FGF14: variants seen among roughly 807,000 people sequenced by gnomAD.
The protein encoded by FGF14 is fibroblast growth factor homologous factor 4.
A neutral mutation model predicts 25.5 loss-of-function variants in FGF14; 5 were observed. The ratio of observed to expected loss-of-function variants is 0.20; its 90% CI spans 0.10 to 0.41. The LOEUF (loss-of-function observed/expected upper bound fraction) is 0.41, where lower values mean the gene tolerates loss of function less well. FGF14 is among the 10% of genes least tolerant of loss of function. The pLI is 1.00. For missense variants in FGF14, 222 were observed against 320.1 expected (o/e 0.69, Z 2.34); for synonymous variants, 138 against 118.3 (o/e 1.17, Z -1.08).
chr13:102,191,098 C>A (rs1389681428), intron 1 of FGF14, among the ~76,000 whole-genome samples: 1 of 152,202 alleles, frequency 6.6e-6, no homozygotes, highest in Admixed American at 6.5e-5. Flanking sequence ...GAAACCTCTA[C>A]TAGTAGGGCT....
Position 102,138,596 on chromosome 13 carries a change from C to T in FGF14, c.208+262875G>A, listed in dbSNP as rs534556680. 3.5e-5 allele frequency among the ~76,000 whole-genome samples: 5 copies of T among 144,376 alleles called. No individual in the cohort carries two copies. The South Asian group carries it at 1.2e-3, about 35-fold the overall frequency. 94.7% of individuals were successfully genotyped at this position (144,376 alleles called of 152,430 possible). ...GCCATCCAAGGCCAGAGTGGCAACA[C>T]AGGAGTGGCCCACAGGGAGAGGCAG... On this transcript the variant is annotated intron_variant, in intron 1 of 4. Transcript: ENST00000376131.
intron 1 of FGF14, among the ~76,000 whole-genome samples, chr13:101,956,974 A>T (rs1163531768): frequency 6.8e-6 from 1 of 147,758 alleles, no homozygotes; most frequent in African/African-American, 2.7e-5. Context: ...GACACATTTA[A>T]TTGAGAGAAT....
intron 1 of FGF14, chr13:102,292,323 T>C (rs1273412151): frequency 6.9e-6 from 1 of 144,852 alleles, no homozygotes; most frequent in African/African-American, 2.5e-5. Context: ...TTTCAAAGCA[T>C]TTTCAAAGCA....
intron 3 of FGF14, among the ~76,000 whole-genome samples, chr13:101,767,788 C>A (rs1043234281): frequency 6.6e-6 from 1 of 152,050 alleles, no homozygotes; most frequent in African/African-American, 2.4e-5. Context: ...ACAAAGCTCT[C>A]TAAAATAAGC....
At chr13:102,356,506 C>T (rs2057421290) in intron 1 of FGF14, among the ~76,000 whole-genome samples, 1 of 152,162 alleles carries the variant, frequency 6.6e-6, no homozygotes, top group Non-Finnish European at 1.5e-5. Flanking sequence ...CATTAAGCTT[C>T]CCCACCAAAA....
chr13:102,089,715 G>A (rs1566671473), intron 1 of FGF14, among the ~76,000 whole-genome samples: 1 of 152,110 alleles, frequency 6.6e-6, no homozygotes, highest in African/African-American at 2.4e-5. Flanking sequence ...GCACAATTCT[G>A]TTTCATCAAA....
intron 3 of FGF14, among the ~76,000 whole-genome samples, chr13:101,766,353 G>A (rs1243345197): frequency 6.6e-6 from 1 of 152,046 alleles, no homozygotes; most frequent in Non-Finnish European, 1.5e-5. Flanking sequence ...GCTTCCATGA[G>A]CTAAAAATTG....
At chr13:102,313,066 C>A (rs1488180873) in intron 1 of FGF14, among the ~76,000 whole-genome samples, 1 of 152,198 alleles carries the variant, frequency 6.6e-6, no homozygotes, top group African/African-American at 2.4e-5. Flanking sequence ...AGTTCAAGGA[C>A]AACAGAGCAC....
chr13:102,174,820 A>C (rs1024030709), intron 1 of FGF14, among the ~76,000 whole-genome samples: 4 of 152,076 alleles, frequency 2.6e-5, no homozygotes, highest in African/African-American at 7.2e-5. Context: ...ATCAAGTATT[A>C]TGCTCACTAC....
At chr13:102,129,438 A>G (rs904169176) in intron 1 of FGF14, among the ~76,000 whole-genome samples, 1 of 152,298 alleles carries the variant, frequency 6.6e-6, no homozygotes, top group South Asian at 2.1e-4. Context: ...TGAACCTGGC[A>G]TCAATTCTCT....
chr13:101,976,748 A>G (rs2037951881), intron 1 of FGF14, among the ~76,000 whole-genome samples: 1 of 152,246 alleles, frequency 6.6e-6, no homozygotes, highest in African/African-American at 2.4e-5. Context: ...CAATGGCAAC[A>G]ACAAAAATAT....
intron 1 of FGF14, among the ~76,000 whole-genome samples, chr13:102,069,409 C>T (rs372522309): frequency 6.6e-6 from 1 of 152,268 alleles, no homozygotes; most frequent in South Asian, 2.1e-4. Flanking sequence ...GGAGGCTGCC[C>T]GAGCCAGCAT....
intron 1 of FGF14, among the ~76,000 whole-genome samples, chr13:102,069,410 G>A (rs945358801): frequency 3.3e-5 from 5 of 152,154 alleles, no homozygotes; most frequent in African/African-American, 4.8e-5. Context: ...GAGGCTGCCC[G>A]AGCCAGCATT....
intron 1 of FGF14, among the ~76,000 whole-genome samples, chr13:102,032,158 C>A (rs2041244279): frequency 6.6e-6 from 1 of 152,132 alleles, no homozygotes; most frequent in African/African-American, 2.4e-5. Context: ...CAGCACAGGA[C>A]CTTACCCACT....
At chr13:102,266,007 G>C (rs2052972853) in intron 1 of FGF14, among the ~76,000 whole-genome samples, 1 of 151,964 alleles carries the variant, frequency 6.6e-6, no homozygotes, top group East Asian at 1.9e-4. Flanking sequence ...GGGAAGCTAT[G>C]ACAGCCCCAC....
At chr13:102,061,127 T>A (rs770591334) in intron 1 of FGF14, among the ~76,000 whole-genome samples, 3 of 152,156 alleles carry the variant, frequency 2.0e-5, no homozygotes, top group Non-Finnish European at 4.4e-5. Context: ...CACCACTCAA[T>A]AAAACCTTGC....
At chr13:102,276,327 A>G (rs1461423030) in intron 1 of FGF14, among the ~76,000 whole-genome samples, 3 of 82,520 alleles carry the variant, frequency 3.6e-5, no homozygotes, top group African/African-American at 5.2e-5. Flanking sequence ...ACACACACAC[A>G]CGTACGTGTG....
At chr13:101,846,620 T>C (rs1594460806) in intron 3 of FGF14, among the ~76,000 whole-genome samples, 1 of 152,046 alleles carries the variant, frequency 6.6e-6, no homozygotes, top group Non-Finnish European at 1.5e-5. Flanking sequence ...ACAGCCAACG[T>C]TGATCTTAAA....
At chr13:102,220,617 C>T (rs932886542) in intron 1 of FGF14, among the ~76,000 whole-genome samples, 7 of 152,196 alleles carry the variant, frequency 4.6e-5, no homozygotes, top group Non-Finnish European at 8.8e-5. Flanking sequence ...AATATTTGAT[C>T]ACGTTCTTGC....
Sources: gnomAD v4.1 joint callset for allele counts (sites outside exome capture counted in the v4.1 genomes callset) on GRCh38, gnomAD v4.1.1 for gene constraint, MANE v1.5 for transcripts, NCBI Gene and HGNC (gene_info 2026-07-23, HGNC 2026-07-21) for gene names.